The following REEP3 variants were observed in gnomAD, a reference collection of about 807,000 sequenced individuals.
The protein encoded by REEP3 is receptor expression-enhancing protein 3.
In REEP3, 20 loss-of-function variants were observed where a neutral mutation model predicts 41.3. That is an observed-to-expected ratio of 0.48 (90% CI 0.34 to 0.70). REEP3 has a LOEUF of 0.70. Among genes scored for constraint, REEP3 ranks in the 30% least tolerant of loss-of-function variants. The pLI, the probability that REEP3 is intolerant of heterozygous loss-of-function variation, is 0.01. For missense variants in REEP3, 271 were observed against 308.8 expected, an observed-to-expected ratio of 0.88 and a Z score of 0.92; for synonymous variants, 104 against 101.8, an observed-to-expected ratio of 1.02 and a Z score of -0.13.
chr10:63,571,842 T>TG (rs1955855316), intron 2 of REEP3, among the ~76,000 whole-genome samples: 1 of 152,222 alleles, frequency 6.6e-6, no homozygotes, highest in Non-Finnish European at 1.5e-5. Flanking sequence ...TCACATGGAT[T>TG]GTAAAGACAG....
chr10:63,607,681 C>A (rs763674819), intron 5 of REEP3, among the ~76,000 whole-genome samples: 8 of 152,154 alleles, frequency 5.3e-5, no homozygotes, highest in Non-Finnish European at 1.2e-4. Context: ...CAGTAGCATA[C>A]CAGGCACACC....
intron 6 of REEP3, among the ~76,000 whole-genome samples, chr10:63,612,834 C>G (rs1956286425): frequency 6.6e-6 from 1 of 151,856 alleles, no homozygotes; most frequent in South Asian, 2.1e-4. Context: ...TTGGAGTCTG[C>G]TACATATATT....
chr10:63,568,774 G>A (rs1019856418), intron 2 of REEP3, among the ~76,000 whole-genome samples: 3 of 149,166 alleles, frequency 2.0e-5, no homozygotes, highest in Admixed American at 1.4e-4. Flanking sequence ...TCCTACCTCA[G>A]CCTTCTCAGT....
At position 63,620,817 on chromosome 10, in the gene REEP3, G is replaced by A. The variant is rs1368150192; in HGVS notation, c.716G>A (p.Arg239Gln). 6.3e-6 allele frequency: 10 copies of A among 1,599,578 alleles called. No homozygotes were observed. Among genetic ancestry groups the A allele is most frequent in the African/African-American group, 4.0e-5 (3 of 74,564 alleles). Residue 239 changes from arginine (R) to glutamine (Q), a missense_variant, in exon 8 of 8, where the codon CGG (arginine) becomes CAG (glutamine). Transcript: ENST00000373758. ...VKTTKGRKEV[R>Q]YGSLKYKVKK... The stretch of plus-strand genomic sequence containing the variant: ...ATAAAACATTTCTCTCTTCAGGTGC[G>A]GTACGGGTCACTAAAATACAAAGTG...
intron 1 of REEP3, among the ~76,000 whole-genome samples, chr10:63,525,511 C>G (rs1396271405): frequency 6.6e-6 from 1 of 152,018 alleles, no homozygotes; most frequent in East Asian, 1.9e-4. Context: ...TTCCGCCTCC[C>G]GGGTTCAAGC....
intron 1 of REEP3, among the ~76,000 whole-genome samples, chr10:63,544,602 G>A (rs1447270584): frequency 3.3e-5 from 5 of 152,192 alleles, no homozygotes; most frequent in Non-Finnish European, 5.9e-5. Context: ...TTAAACAACA[G>A]CAAGTGTGTT....
chr10:63,605,507 G>A (rs1273925636), intron 5 of REEP3, among the ~76,000 whole-genome samples: 2 of 152,132 alleles, frequency 1.3e-5, no homozygotes, highest in Non-Finnish European at 2.9e-5. Context: ...GTGCTTGTAC[G>A]ATTATAAAGC....
At chr10:63,567,188 A>T (rs577764378) in intron 2 of REEP3, among the ~76,000 whole-genome samples, 1 of 152,026 alleles carries the variant, frequency 6.6e-6, no homozygotes, top group East Asian at 1.9e-4. Context: ...ATCAATAACT[A>T]TGCCTCTTTT....
chr10:63,610,637 G>C (rs1045858915), intron 6 of REEP3, among the ~76,000 whole-genome samples: 4 of 152,068 alleles, frequency 2.6e-5, no homozygotes, highest in African/African-American at 9.7e-5. Context: ...CTTGTGGATA[G>C]TAAAATAATA....
At chr10:63,530,708 C>T (rs1199519355) in intron 1 of REEP3, among the ~76,000 whole-genome samples, 2 of 152,036 alleles carry the variant, frequency 1.3e-5, no homozygotes, top group Non-Finnish European at 2.9e-5. Flanking sequence ...ATTTTAAACC[C>T]TTTTAGGATG....
At chr10:63,609,393 A>G (rs1274894376) in intron 5 of REEP3, among the ~76,000 whole-genome samples, 1 of 145,658 alleles carries the variant, frequency 6.9e-6, no homozygotes, top group African/African-American at 2.6e-5. Flanking sequence ...CGGAGCTTGC[A>G]GTGAGCCGAG....
At chr10:63,560,557 C>A (rs1218540865) in intron 1 of REEP3, among the ~76,000 whole-genome samples, 1 of 152,138 alleles carries the variant, frequency 6.6e-6, no homozygotes, top group African/African-American at 2.4e-5. Flanking sequence ...AGCCAGCGTT[C>A]GTACATTTCC....
chr10:63,553,938 T>C (rs1055799055), intron 1 of REEP3, among the ~76,000 whole-genome samples: 1 of 151,938 alleles, frequency 6.6e-6, no homozygotes, highest in Non-Finnish European at 1.5e-5. Context: ...ACGTCTCTAC[T>C]AAAAATACAA....
At chr10:63,553,506 C>A (rs192012269) in intron 1 of REEP3, among the ~76,000 whole-genome samples, 16 of 152,030 alleles carry the variant, frequency 1.1e-4, no homozygotes, top group African/African-American at 3.6e-4. Flanking sequence ...CCTGGTGAAG[C>A]GTTTTCATGC....
intron 1 of REEP3, chr10:63,521,779 G>A: frequency 3.0e-6 from 1 of 336,898 alleles, no homozygotes; most frequent in Non-Finnish European, 5.4e-6. Flanking sequence ...ACGGCCGAGG[G>A]CCTAGCTGCG....
At chr10:63,595,705 T>C (rs1269993713) in intron 3 of REEP3, among the ~76,000 whole-genome samples, 5 of 151,976 alleles carry the variant, frequency 3.3e-5, no homozygotes, top group African/African-American at 1.2e-4. Flanking sequence ...GCCTCCCGAG[T>C]AGCTGGGATT....
intron 1 of REEP3, among the ~76,000 whole-genome samples, chr10:63,536,344 GTTA>G (rs2133345885): frequency 6.6e-6 from 1 of 152,244 alleles, no homozygotes; most frequent in South Asian, 2.1e-4. Context: ...TCAAGATTCA[GTTA>G]TTATCCACAG....
At chr10:63,591,923 C>A (rs1956067865) in intron 2 of REEP3, among the ~76,000 whole-genome samples, 1 of 152,082 alleles carries the variant, frequency 6.6e-6, no homozygotes. Flanking sequence ...GTTGTTATCC[C>A]CTTGGAAGAT....
At chr10:63,599,145 T>C (rs933033094) in intron 4 of REEP3, 25 bp from the exon 5 acceptor site, 5 of 1,203,446 alleles carry the variant, frequency 4.2e-6, no homozygotes, top group Non-Finnish European at 6.0e-6. Context: ...TAAGTAAAAC[T>C]AACATCTGTG....
Sources: allele counts gnomAD v4.1 joint callset (sites outside exome capture counted in the v4.1 genomes callset), GRCh38; gene constraint gnomAD v4.1.1; transcripts MANE v1.5; gene names NCBI Gene and HGNC (gene_info 2026-07-23, HGNC 2026-07-21).